Variants in MAGI2 observed in about 807,000 individuals in gnomAD.
MAGI2 encodes membrane-associated guanylate kinase, WW and PDZ domain-containing protein 2.
MAGI2 carries 35 observed loss-of-function variants against 133.3 expected under a neutral mutation model. The ratio of observed to expected loss-of-function variants is 0.26; its 90% CI spans 0.20 to 0.35. The LOEUF (loss-of-function observed/expected upper bound fraction) is 0.35. Ranked by LOEUF, MAGI2 falls within the 10% of genes least tolerant of loss-of-function variation. The pLI is 1.00. For missense variants in MAGI2, 1,636 were observed against 1,863.4 expected (o/e 0.88, Z 2.25); for synonymous variants, 729 against 710.6 (o/e 1.03, Z -0.41).
intron 3 of MAGI2, among the ~76,000 whole-genome samples, chr7:78,552,634 G>T (rs936378740): frequency 1.3e-5 from 2 of 152,136 alleles, no homozygotes; most frequent in African/African-American, 4.8e-5. Context: ...GTCTGTAGAT[G>T]CCGTACTGTA....
At chr7:79,411,661 G>A (rs555434338) in intron 1 of MAGI2, 2 of 152,202 alleles carry the variant, frequency 1.3e-5, no homozygotes, top group Admixed American at 6.5e-5. Flanking sequence ...ACACCTCTAA[G>A]TCTGTGGTAA....
At chr7:79,184,825 G>A (rs1021315453) in intron 1 of MAGI2, among the ~76,000 whole-genome samples, 1 of 151,374 alleles carries the variant, frequency 6.6e-6, no homozygotes, top group African/African-American at 2.4e-5. Context: ...TTTCTTTTGA[G>A]TCTTTAAAAA....
intron 1 of MAGI2, among the ~76,000 whole-genome samples, chr7:79,271,702 G>C (rs189729343): frequency 2.8e-4 from 40 of 143,418 alleles, no homozygotes; most frequent in African/African-American, 8.9e-4. Flanking sequence ...TTGGATAATA[G>C]AGGTAAAAGA....
At chr7:78,702,951 G>T (rs1189386161) in intron 2 of MAGI2, among the ~76,000 whole-genome samples, 1 of 151,896 alleles carries the variant, frequency 6.6e-6, no homozygotes, top group African/African-American at 2.4e-5. Flanking sequence ...TGGGTTAAAA[G>T]AATCACCCAA....
intron 16 of MAGI2, among the ~76,000 whole-genome samples, chr7:78,157,948 G>T (rs1301717667): frequency 1.3e-5 from 2 of 152,174 alleles, no homozygotes; most frequent in Non-Finnish European, 2.9e-5. Flanking sequence ...GAGGTTTAAT[G>T]CTTCTGTAGT....
intron 2 of MAGI2, among the ~76,000 whole-genome samples, chr7:78,952,934 C>T (rs887791866): frequency 1.3e-5 from 2 of 152,060 alleles, no homozygotes; most frequent in Admixed American, 6.6e-5. Context: ...TATTTGGCAA[C>T]AAATGTTTTT....
At chr7:79,014,265 C>T (rs975577888) in intron 1 of MAGI2, among the ~76,000 whole-genome samples, 2 of 152,012 alleles carry the variant, frequency 1.3e-5, no homozygotes, top group Non-Finnish European at 2.9e-5. Flanking sequence ...CATTGTTAGC[C>T]TTGGTCTCAA....
At chr7:79,198,624 T>C (rs1259099973) in intron 1 of MAGI2, among the ~76,000 whole-genome samples, 1 of 152,044 alleles carries the variant, frequency 6.6e-6, no homozygotes, top group African/African-American at 2.4e-5. Context: ...GCGCAGTGGC[T>C]CATGCCTGTA....
chr7:78,559,136 C>CAAA (rs71085541), intron 3 of MAGI2, among the ~76,000 whole-genome samples: 12 of 54,748 alleles, frequency 2.2e-4, no homozygotes, highest in South Asian at 9.2e-4. Flanking sequence ...TCTGAATTTC[C>CAAA]AAAAAAAAAA....
intron 1 of MAGI2, among the ~76,000 whole-genome samples, chr7:79,394,988 C>T (rs956228897): frequency 6.6e-6 from 1 of 152,222 alleles, no homozygotes; most frequent in East Asian, 1.9e-4. Flanking sequence ...TGAATAGATA[C>T]AGAAATATGA....
intron 2 of MAGI2, among the ~76,000 whole-genome samples, chr7:78,825,128 G>A (rs1267197773): frequency 1.3e-5 from 2 of 152,082 alleles, no homozygotes; most frequent in Admixed American, 6.5e-5. Flanking sequence ...CTGAAACCTA[G>A]CATGCATCTA....
intron 9 of MAGI2, among the ~76,000 whole-genome samples, chr7:78,328,004 A>G (rs898246880): frequency 1.3e-5 from 2 of 152,154 alleles, no homozygotes; most frequent in Admixed American, 6.5e-5. Context: ...TACTTTTTAG[A>G]ATTTGCAGCT....
At chr7:78,581,860 A>G (rs746948688) in intron 3 of MAGI2, among the ~76,000 whole-genome samples, 1 of 152,192 alleles carries the variant, frequency 6.6e-6, no homozygotes, top group Non-Finnish European at 1.5e-5. Flanking sequence ...ACTAATAGCA[A>G]TAAACTAGGA....
At chr7:78,213,007 A>G (rs765284393) in intron 10 of MAGI2, among the ~76,000 whole-genome samples, 17 of 152,188 alleles carry the variant, frequency 1.1e-4, no homozygotes, top group Non-Finnish European at 2.2e-4. Flanking sequence ...ATATTTAGTG[A>G]TGGAAGGAGA....
At chr7:78,048,306 T>C (rs1279518075) in intron 21 of MAGI2, among the ~76,000 whole-genome samples, 1 of 152,278 alleles carries the variant, frequency 6.6e-6, no homozygotes, top group South Asian at 2.1e-4. Flanking sequence ...GGAAGAACGC[T>C]CCAGTGGAGA....
intron 6 of MAGI2, among the ~76,000 whole-genome samples, chr7:78,378,750 A>G (rs1250853267): frequency 6.6e-6 from 1 of 152,030 alleles, no homozygotes; most frequent in Non-Finnish European, 1.5e-5. Flanking sequence ...CGACCAAGAG[A>G]TATTTTGAGG....
intron 2 of MAGI2, among the ~76,000 whole-genome samples, chr7:78,699,862 T>C (rs322001): frequency 0.7 from 106,215 of 151,974 alleles, 37,404 homozygotes; most frequent in East Asian, 0.83. Flanking sequence ...AAAATATCCA[T>C]ATAACTTTTA....
rs184571441 is a variant in MAGI2 at position 78,592,587 on chromosome 7, G to A, written c.538+34533C>T. ...AGATACAACAAAGGCAAAGAGTGACGGTAGAAAAAATCAATTAGAAAGAAG... is the reference window on the plus strand; with the variant it reads ...AGATACAACAAAGGCAAAGAGTGACAGTAGAAAAAATCAATTAGAAAGAAG... On this transcript the variant is annotated intron_variant, in intron 3 of 21. Coordinates refer to ENST00000354212, the MANE Select transcript of MAGI2 (RefSeq NM_012301.4). Among the ~76,000 whole-genome samples, 22 of 152,112 alleles carry A rather than the reference G, an allele frequency of 1.4e-4. No homozygotes were observed. In the South Asian group the frequency reaches 4.2e-3, roughly 29 times the overall value.
intron 7 of MAGI2, chr7:78,359,585 T>TA (rs1792559663): frequency 6.6e-6 from 1 of 152,202 alleles, no homozygotes; most frequent in Non-Finnish European, 1.5e-5. Context: ...TACAGCTTGG[T>TA]AAAAAGAATC....
Sources: gnomAD v4.1 joint callset for allele counts (sites outside exome capture counted in the v4.1 genomes callset) on GRCh38, gnomAD v4.1.1 for gene constraint, MANE v1.5 for transcripts, NCBI Gene and HGNC (gene_info 2026-07-23, HGNC 2026-07-21) for gene names.